PALD1: variants seen among roughly 807,000 people sequenced by gnomAD.
The protein encoded by PALD1 is paladin.
PALD1 carries 57 observed loss-of-function variants against 96.0 expected under a neutral mutation model. The observed-to-expected ratio is 0.59, with a 90% CI of 0.48 to 0.74. The LOEUF is 0.74. Ranked by LOEUF, PALD1 falls within the 30% of genes least tolerant of loss-of-function variation. The probability of loss-of-function intolerance (pLI) is 0.00; values close to 1 mark genes in which losing one functional copy is unlikely to be tolerated. For synonymous variants in PALD1, 464 were observed against 473.6 expected (o/e 0.98, Z 0.26); for missense variants, 1,063 against 1,143.7 (o/e 0.93, Z 1.02).
chr10:70,480,918 G>T (rs185521099), intron 1 of PALD1, among the ~76,000 whole-genome samples: 148 of 152,350 alleles, frequency 9.7e-4, no homozygotes, highest in African/African-American at 3.3e-3. Context: ...AGACACAGGA[G>T]GATGGTGGGG....
At chr10:70,536,223 C>T (rs1390163560) in intron 10 of PALD1, among the ~76,000 whole-genome samples, 11 of 152,094 alleles carry the variant, frequency 7.2e-5, no homozygotes, top group African/African-American at 2.7e-4. Context: ...ATCTTGTGAG[C>T]CCAGGAGTTC....
At chr10:70,564,272 C>A in intron 18 of PALD1, 92 bp from the exon 19 acceptor site, 1 of 1,364,532 alleles carries the variant, frequency 7.3e-7, no homozygotes, top group South Asian at 1.4e-5. Flanking sequence ...CTGGATCACC[C>A]TGCCCTGGCA....
At chr10:70,545,186 T>G (rs1847336941) in intron 17 of PALD1, among the ~76,000 whole-genome samples, 9 of 127,042 alleles carry the variant, frequency 7.1e-5, no homozygotes, top group African/African-American at 9.2e-5. Context: ...GTGGTGGGGG[T>G]AGGTGGTGGG....
At chr10:70,500,142 C>G (rs1391340056) in intron 1 of PALD1, among the ~76,000 whole-genome samples, 1 of 152,204 alleles carries the variant, frequency 6.6e-6, no homozygotes, top group East Asian at 1.9e-4. Context: ...CAACGCCCTG[C>G]TTGCTCATTG....
chr10:70,566,465 G>A (rs905289865), intron 19 of PALD1, 116 bp from the exon 20 acceptor site: 68 of 733,410 alleles, frequency 9.3e-5, no homozygotes, highest in Middle Eastern at 2.3e-4. Context: ...AAGTCAAGGT[G>A]CAAACTTGTT....
chr10:70,497,739 G>T (rs1003298578), intron 1 of PALD1, among the ~76,000 whole-genome samples: 3 of 151,666 alleles, frequency 2.0e-5, no homozygotes, highest in Non-Finnish European at 4.4e-5. Flanking sequence ...GCTAATTTGT[G>T]TGTGTGTGTG....
chr10:70,486,039 T>A, intron 1 of PALD1: 1 of 224,366 alleles, frequency 4.5e-6, no homozygotes, highest in Non-Finnish European at 1.0e-5. Context: ...TATTTAATTT[T>A]TCTTGGCTTC....
intron 1 of PALD1, among the ~76,000 whole-genome samples, chr10:70,502,682 AT>A (rs1225990062): frequency 6.6e-6 from 1 of 152,200 alleles, no homozygotes; most frequent in Non-Finnish European, 1.5e-5. Flanking sequence ...CAAATACTAC[AT>A]GGTTCCATTC....
At chr10:70,463,453 CACCTAGAGGAG>C in the PALD1 span, among the ~76,000 whole-genome samples, 2 of 151,914 alleles carry the variant, frequency 1.3e-5, no homozygotes, top group Non-Finnish European at 2.9e-5. Flanking sequence ...CTCCTCTCAC[CACCTAGAGGAG>C]AAAAGGTGGT....
chr10:70,544,907 G>A (rs893291061), intron 17 of PALD1, among the ~76,000 whole-genome samples: 1 of 152,222 alleles, frequency 6.6e-6, no homozygotes, highest in East Asian at 1.9e-4. Context: ...GCCTGCTGGG[G>A]TGCCCAGCAC....
chr10:70,487,129 A>ATT (rs1485919346), intron 1 of PALD1, among the ~76,000 whole-genome samples: 2 of 47,634 alleles, frequency 4.2e-5, no homozygotes, highest in Non-Finnish European at 8.8e-5. Context: ...CTCTGAGCCC[A>ATT]ATTTTTTTTT....
At chr10:70,543,636 G>A (rs76161078) in intron 17 of PALD1, among the ~76,000 whole-genome samples, 2 of 152,170 alleles carry the variant, frequency 1.3e-5, no homozygotes, top group East Asian at 3.8e-4. Context: ...TAGTTCAAGA[G>A]TCTGTCTTTC....
intron 18 of PALD1, among the ~76,000 whole-genome samples, chr10:70,559,868 C>G (rs932895265): frequency 4.1e-4 from 63 of 152,136 alleles, no homozygotes; most frequent in African/African-American, 1.4e-3. Flanking sequence ...TCCTCAGAGT[C>G]TGTCTAGGAT....
intron 1 of PALD1, among the ~76,000 whole-genome samples, chr10:70,501,634 A>G (rs1846295182): frequency 6.6e-6 from 1 of 152,130 alleles, no homozygotes; most frequent in South Asian, 2.1e-4. Context: ...GTCAGTGGCC[A>G]CTGTGTAGTT....
intron 18 of PALD1, among the ~76,000 whole-genome samples, chr10:70,548,820 G>A (rs1221598676): frequency 6.6e-6 from 1 of 152,212 alleles, no homozygotes; most frequent in East Asian, 1.9e-4. Flanking sequence ...TTGGGGCAAA[G>A]GGTGGATGCC....
chr10:70,464,658 C>T, the PALD1 span, among the ~76,000 whole-genome samples: 1 of 127,906 alleles, frequency 7.8e-6, no homozygotes, highest in African/African-American at 3.1e-5. Flanking sequence ...TGGAGTCTTG[C>T]TCTGTCGCCC....
intron 1 of PALD1, among the ~76,000 whole-genome samples, chr10:70,500,868 A>G (rs1160744988): frequency 6.6e-6 from 1 of 152,106 alleles, no homozygotes; most frequent in Non-Finnish European, 1.5e-5. Context: ...AGTGAAGAGG[A>G]CAATGTGTGA....
intron 1 of PALD1, among the ~76,000 whole-genome samples, chr10:70,499,263 A>G (rs919830325): frequency 3.3e-5 from 5 of 152,120 alleles, no homozygotes; most frequent in African/African-American, 1.2e-4. Flanking sequence ...CTTCAATACC[A>G]GGCTTAGAGT....
chr10:70,474,056 G>A (rs866590349), upstream of PALD1, among the ~76,000 whole-genome samples: 3 of 152,188 alleles, frequency 2.0e-5, no homozygotes, highest in African/African-American at 4.8e-5. Context: ...AGAACCTGAA[G>A]AATGTTCTGG....
Sources: allele counts gnomAD v4.1 joint callset (sites outside exome capture counted in the v4.1 genomes callset), GRCh38; gene constraint gnomAD v4.1.1; transcripts MANE v1.5; gene names NCBI Gene and HGNC (gene_info 2026-07-23, HGNC 2026-07-21).